The following A2ML1 variants were observed in gnomAD, a reference collection of about 807,000 sequenced individuals.
A2ML1 encodes the protein alpha-2-macroglobulin-like protein 1.
A neutral mutation model predicts 181.9 loss-of-function variants in A2ML1; 161 were observed. The ratio of observed to expected loss-of-function variants is 0.89; its 90% CI spans 0.78 to 1.01. The LOEUF (loss-of-function observed/expected upper bound fraction) is 1.01, where lower values mean the gene tolerates loss of function less well. Ranked by LOEUF, A2ML1 falls within the 50% of genes least tolerant of loss-of-function variation. A2ML1 has a pLI of 0.00. For missense variants in A2ML1, 1,670 were observed against 1,768.1 expected (o/e 0.94, Z 1.00); for synonymous variants, 663 against 666.8 (o/e 0.99, Z 0.09).
chr12:8,862,226 G>A (rs755582792), intron 28 of A2ML1, among the ~76,000 whole-genome samples: 5 of 151,460 alleles, frequency 3.3e-5, no homozygotes, highest in African/African-American at 7.3e-5. Flanking sequence ...TTTTTGAGAC[G>A]GTGTCTTGCT....
rs531336120 is a variant in A2ML1 at position 8,851,649 on chromosome 12, GC to G, written c.2235-134del. ...TCAAACTGCTGGGCTGAAGCTATCT[GC>G]TCACCTCAGCCTCTCAAAGAGCTGG... On this transcript the variant is annotated intron_variant, in intron 18 of 35. Transcript: ENST00000299698. The G allele has an allele frequency of 9.1e-4, 705 of 778,360 alleles. 11 individuals are homozygous for G. In the South Asian group the frequency reaches 0.012, roughly 13 times the overall value. 48.2% of individuals were successfully genotyped at this position (778,360 alleles called of 1,614,324 possible). A position where few individuals can be genotyped will look rare whatever the true frequency, so the allele number is the denominator to read the frequency against.
intron 4 of A2ML1, 129 bp downstream of exon 4, chr12:8,829,908 G>A: frequency 9.2e-7 from 1 of 1,088,648 alleles, no homozygotes; most frequent in Non-Finnish European, 1.4e-6. Context: ...ACTGCTGTGT[G>A]CGTGGGACTG....
chr12:8,827,238 G>T (rs1215459950), intron 3 of A2ML1, among the ~76,000 whole-genome samples: 1 of 152,268 alleles, frequency 6.6e-6, no homozygotes, highest in East Asian at 1.9e-4. Context: ...TACTGGGGAG[G>T]CTGAGGCAGG....
intron 22 of A2ML1, among the ~76,000 whole-genome samples, chr12:8,855,301 A>G (rs1194063153): frequency 6.6e-6 from 1 of 152,212 alleles, no homozygotes; most frequent in Non-Finnish European, 1.5e-5. Flanking sequence ...AGGAGGAAGA[A>G]GAGAAAGTGT....
At chr12:8,834,554 A>G (rs1183016165) in intron 4 of A2ML1, 108 bp from the exon 5 acceptor site, 15 of 1,362,916 alleles carry the variant, frequency 1.1e-5, no homozygotes, top group South Asian at 2.5e-5. Context: ...AAATGAAGAA[A>G]TGGGCAAGAG....
Position 8,863,805 on chromosome 12 carries a change from T to C in A2ML1, c.3514T>C (p.Tyr1172His). Residue 1172 changes from tyrosine to histidine, a missense_variant, in exon 29 of 36, where the codon TAC becomes CAC. Transcript: ENST00000299698. ...TTCTTTTTCCATAGGAGAATCCATT[T>C]ACTGGAGCCAGAAACCTACTCCATC... Reference protein sequence around the residue: ...QQAIISGESIYWSQKPTPSSN... With the variant: ...QQAIISGESIHWSQKPTPSSN... The C allele has an allele frequency of 1.2e-6, 2 of 1,614,222 alleles. No homozygotes were observed. The highest frequency in any genetic ancestry group is 1.7e-6 in the Non-Finnish European group (2 of 1,180,016).
At chr12:8,883,370 C>T (rs1365297445) in intron 7 of A2ML1, among the ~76,000 whole-genome samples, 2 of 152,162 alleles carry the variant, frequency 1.3e-5, no homozygotes, top group African/African-American at 2.4e-5. Context: ...CAACTAAAAT[C>T]GTCACCTTCT....
Position 8,861,284 on chromosome 12 carries a change from G to A in A2ML1, c.3489G>A (p.Gln1163=). The change falls in exon 28 of 36, where the codon CAG becomes CAA. Residue 1163 remains glutamine (Q), a synonymous_variant. Transcript: ENST00000299698. ...RNILLKQLDQ[Q]AIISGESIYW... The stretch of plus-strand genomic sequence containing the variant: ...TTCTCCTTAAACAGTTAGATCAACA[G>A]GCTATCATCTCAGGTATGTTGGTCC... The A allele has an allele frequency of 6.2e-7, 1 of 1,613,994 alleles. No homozygotes were observed. The highest frequency in any genetic ancestry group is 1.3e-5 in the African/African-American group (1 of 74,970).
At position 8,856,898 on chromosome 12, in the gene A2ML1, C is replaced by CTTTTTTTTTTTTTTTTT. The variant is rs71891886; in HGVS notation, c.2849-263_2849-247dup. ...GTCTTCCCAGGACACACAGTAGGTACTTTTTTTTTTTTTTTTTTTGTATTT... is the reference window on the plus strand; with the variant it reads ...GTCTTCCCAGGACACACAGTAGGTACTTTTTTTTTTTTTTTTTTTTTTTTTTTTTTTTTTTTGTATTT... On this transcript the variant is annotated intron_variant, in intron 23 of 35. Transcript: ENST00000299698. Among the ~76,000 whole-genome samples the CTTTTTTTTTTTTTTTTT allele has an allele frequency of 1.6e-5, 2 of 124,962 alleles. 1 individual carries two copies. Among genetic ancestry groups the CTTTTTTTTTTTTTTTTT allele is most frequent in the Non-Finnish European group, 3.2e-5 (2 of 61,728 alleles). 82.0% of individuals were successfully genotyped at this position (124,962 alleles called of 152,430 possible).
intron 14 of A2ML1, among the ~76,000 whole-genome samples, chr12:8,846,541 CA>C (rs1245689094): frequency 5.9e-5 from 9 of 151,976 alleles, no homozygotes; most frequent in African/African-American, 1.9e-4. Context: ...CCTGTCTGTA[CA>C]AAAAAATTTT....
chr12:8,882,010 C>CAA (rs762931509), intron 7 of A2ML1, among the ~76,000 whole-genome samples: 1 of 114,666 alleles, frequency 8.7e-6, no homozygotes, highest in Non-Finnish European at 1.8e-5. Context: ...GACTCTGTCT[C>CAA]AAAAAAAAAA....
Position 8,846,492 on chromosome 12 carries a change from G to T in A2ML1, c.1683+270G>T, listed in dbSNP as rs116128689. On this transcript the variant is annotated intron_variant, in intron 14 of 35. Coordinates refer to ENST00000299698, the MANE Select transcript of A2ML1 (RefSeq NM_144670.6). ...GGCCAAGGCAGAGGGATTTCTTTAGGTCAAGGGTTCAAGACCAGCCTGGAC... is the reference window on the plus strand; with the variant it reads ...GGCCAAGGCAGAGGGATTTCTTTAGTTCAAGGGTTCAAGACCAGCCTGGAC... Among the ~76,000 whole-genome samples, 1,888 of 152,140 alleles carry T rather than the reference G, an allele frequency of 0.012. 34 individuals carry two copies. The highest frequency in any genetic ancestry group is 0.043 in the African/African-American group (1,771 of 41,490).
Position 8,823,787 on chromosome 12 carries a change from T to A in A2ML1, c.314T>A (p.Ile105Asn). The A allele has an allele frequency of 6.2e-7, 1 of 1,613,962 alleles. No homozygotes were observed. Among genetic ancestry groups the A allele is most frequent in the Non-Finnish European group, 8.5e-7 (1 of 1,179,986 alleles). The change falls in exon 3 of 36, where the codon ATC (isoleucine) becomes AAC (asparagine). Residue 105 changes from isoleucine to asparagine, a missense_variant. Physicochemically the swap from Ile to Asn is moderately radical, Grantham distance 149 (BLOSUM62 -3). Transcript: ENST00000299698. ...TIRVSGVGNN[I>N]SFEEKKKVLI... The stretch of plus-strand genomic sequence containing the variant: ...CGGGTGTCGGGAGTTGGAAATAACA[T>A]CAGCTTTGAGGAGAAGAAAAAGGTT...
rs200183884 is a variant in A2ML1 at position 8,843,189 on chromosome 12, A to C, written c.1304A>C (p.Tyr435Ser). The C allele has an allele frequency of 3.1e-6, 5 of 1,614,182 alleles. No homozygotes were observed. In the South Asian group the frequency reaches 4.4e-5, roughly 14 times the overall value. ...AATCCGGAACAAGTGCCACGTTACT[A>C]CCAAAATGCCTACCTGCACCTGCGA... Reference protein sequence around the residue: ...VYNPEQVPRYYQNAYLHLRPF... With the variant: ...VYNPEQVPRYSQNAYLHLRPF... The change falls in exon 12 of 36, where the codon TAC becomes TCC. Residue 435 changes from tyrosine to serine, a missense_variant. Tyr to Ser is a moderately radical substitution (Grantham distance 144, BLOSUM62 -2). Transcript: ENST00000299698.
intron 33 of A2ML1, among the ~76,000 whole-genome samples, chr12:8,871,743 T>C (rs761156971): frequency 6.6e-6 from 1 of 152,182 alleles, no homozygotes; most frequent in Non-Finnish European, 1.5e-5. Context: ...CTTATATTAG[T>C]ACATACTATC....
Position 8,881,828 on chromosome 12 carries a change from G to A in A2ML1, c.*94+1212G>A, listed in dbSNP as rs765578338. Among the ~76,000 whole-genome samples, 5 of 152,058 alleles carry A rather than the reference G, an allele frequency of 3.3e-5. No homozygotes were observed. In the South Asian group the frequency reaches 8.3e-4, roughly 25 times the overall value. On this transcript the variant is annotated intron_variant and NMD_transcript_variant, in intron 7 of 7. Transcript: ENST00000537475. ...AGATCGAGACCATCCTGGCTAACAC[G>A]GTGAAACCCCGTCTGTACTAAAAAT...
intron 33 of A2ML1, among the ~76,000 whole-genome samples, chr12:8,870,393 G>A (rs375008811): frequency 6.6e-6 from 1 of 151,970 alleles, no homozygotes; most frequent in East Asian, 1.9e-4. Flanking sequence ...TCAGCCTCCC[G>A]AGTAGCTGGG....
At chr12:8,836,464 C>T (rs904295913) in intron 7 of A2ML1, 125 bp downstream of exon 7, 2 of 591,798 alleles carry the variant, frequency 3.4e-6, no homozygotes, top group Admixed American at 3.1e-5. Flanking sequence ...AATTCAGAGT[C>T]ATGGCTTATC....
At chr12:8,836,375 A>G in intron 7 of A2ML1, 36 bp downstream of exon 7, 12 of 1,558,794 alleles carry the variant, frequency 7.7e-6, no homozygotes, top group Non-Finnish European at 1.1e-5. Context: ...TGGAGATTAA[A>G]GATGCATCGA....
Sources: gnomAD v4.1 joint callset for allele counts (sites outside exome capture counted in the v4.1 genomes callset) on GRCh38, gnomAD v4.1.1 for gene constraint, MANE v1.5 for transcripts, NCBI Gene and HGNC (gene_info 2026-07-23, HGNC 2026-07-21) for gene names.